The following FUBP3 variants were observed in gnomAD, a reference collection of about 807,000 sequenced individuals.
The protein encoded by FUBP3 is far upstream element-binding protein 3.
A neutral mutation model predicts 85.6 loss-of-function variants in FUBP3; 28 were observed. That is an observed-to-expected ratio of 0.33 (90% CI 0.24 to 0.45). The LOEUF (loss-of-function observed/expected upper bound fraction) is 0.45, where lower values mean the gene tolerates loss of function less well. FUBP3 is among the 20% of genes least tolerant of loss of function. The pLI is 1.00. For missense variants in FUBP3, 583 were observed against 755.1 expected (o/e 0.77, Z 2.67); for synonymous variants, 271 against 271.4 (o/e 1.00, Z 0.01).
rs1183890477 is a variant in FUBP3 at position 130,579,594 on chromosome 9, C to T, written c.-87C>T. The T allele has an allele frequency of 3.6e-6, 3 of 823,144 alleles. No individual in the cohort carries two copies. Among genetic ancestry groups the T allele is most frequent in the East Asian group, 3.5e-5 (1 of 28,526 alleles). 51.0% of individuals were successfully genotyped at this position (823,144 alleles called of 1,614,324 possible). ...CGACTTTCCTTTTCCGGCTACGGGT[C>T]CCCAAGCGGAGCGGGAGGCCGGACC... On this transcript the variant is annotated 5_prime_UTR_variant, in exon 1 of 19. Transcript: ENST00000319725.
intron 16 of FUBP3, 176 bp from the exon 17 acceptor site, chr9:130,634,491 G>T: frequency 1.7e-6 from 1 of 597,028 alleles, no homozygotes; most frequent in South Asian, 2.0e-5. Flanking sequence ...AGTGATCTTA[G>T]TTACACCCCT....
rs780689994 is a variant in FUBP3, at chr9:130,636,247, T to C, written c.1710+121T>C. On this transcript the variant is annotated intron_variant, in intron 18 of 18. Coordinates refer to ENST00000319725, the MANE Select transcript of FUBP3 (RefSeq NM_003934.2). The stretch of plus-strand genomic sequence containing the variant: ...GGCTAGGAGGAACCTCTGGGCGCCA[T>C]AGCTCCTCAGCGAGGCTGCTTCTGC... 9.9e-6 allele frequency: 10 copies of C among 1,005,990 alleles called. No individual in the cohort carries two copies. In the South Asian group the frequency reaches 1.2e-4, roughly 12 times the overall value. 62.3% of individuals were successfully genotyped at this position (1,005,990 alleles called of 1,614,324 possible). A position where few individuals can be genotyped will look rare whatever the true frequency, so the allele number is the denominator to read the frequency against.
At chr9:130,622,164 A>T (rs986890673) in intron 9 of FUBP3, among the ~76,000 whole-genome samples, 59 of 151,570 alleles carry the variant, frequency 3.9e-4, no homozygotes, top group African/African-American at 1.4e-3. Flanking sequence ...CTCTACTAAA[A>T]AATACAAAAA....
intron 6 of FUBP3, among the ~76,000 whole-genome samples, chr9:130,615,886 T>C (rs956049443): frequency 6.6e-6 from 1 of 152,250 alleles, no homozygotes; most frequent in Non-Finnish European, 1.5e-5. Context: ...CAGTGAGTAC[T>C]AATCCTTGCT....
intron 13 of FUBP3, 37 bp downstream of exon 13, chr9:130,630,825 T>C (rs370588960): frequency 2.3e-5 from 33 of 1,405,790 alleles, no homozygotes; most frequent in Middle Eastern, 3.8e-4. Flanking sequence ...GGTTTACTCA[T>C]AGCTGTTTTC....
chr9:130,619,194 G>A (rs1201970835), intron 8 of FUBP3, among the ~76,000 whole-genome samples: 1 of 151,972 alleles, frequency 6.6e-6, no homozygotes, highest in Non-Finnish European at 1.5e-5. Flanking sequence ...TCTTTTGTAG[G>A]GAAAAACCCC....
At chr9:130,584,031 C>G (rs184211271) in intron 1 of FUBP3, among the ~76,000 whole-genome samples, 54 of 152,242 alleles carry the variant, frequency 3.5e-4, no homozygotes, top group Admixed American at 9.2e-4. Context: ...ACCGTGCCCC[C>G]ATGCCTGGCT....
At position 130,631,891 on chromosome 9, in the gene FUBP3, A is replaced by T. The variant is rs1199841858; in HGVS notation, c.1353-51A>T. ...GCCCTGGGGCTGCGGGGAGGGGACG[A>T]GCCCTCTGTTGTGAGGCGCTCAGTC... is the stretch of plus-strand genomic sequence containing the variant. On this transcript the variant is annotated intron_variant, in intron 14 of 18. Transcript: ENST00000319725. 2.2e-6 allele frequency: 3 copies of T among 1,353,450 alleles called. No individual in the cohort carries two copies. In the Admixed American group the frequency reaches 5.1e-5, roughly 23 times the overall value. 83.8% of individuals were successfully genotyped at this position (1,353,450 alleles called of 1,614,324 possible).
chr9:130,621,375 C>T (rs181521630), intron 9 of FUBP3, among the ~76,000 whole-genome samples: 8 of 152,140 alleles, frequency 5.3e-5, no homozygotes, highest in South Asian at 2.1e-4. Context: ...TTCCTATAGT[C>T]CCAGCTGTTC....
At chr9:130,631,848 C>T in intron 14 of FUBP3, 94 bp from the exon 15 acceptor site, 1 of 970,292 alleles carries the variant, frequency 1.0e-6, no homozygotes. Flanking sequence ...GGTCTTCTGT[C>T]CCGACTGCCC....
intron 7 of FUBP3, among the ~76,000 whole-genome samples, chr9:130,617,201 A>G (rs1338952033): frequency 1.3e-5 from 2 of 152,228 alleles, no homozygotes; most frequent in Non-Finnish European, 1.5e-5. Context: ...ATACACTGAC[A>G]TGAGTTCAGT....
rs371552421 is a variant in FUBP3 at position 130,609,909 on chromosome 9, C to T, written c.191-45C>T. 1.4e-5 allele frequency: 20 copies of T among 1,476,286 alleles called. 1 individual carries two copies. Among genetic ancestry groups the T allele is most frequent in the Admixed American group, 6.7e-5 (4 of 59,506 alleles). The allele number at this position is 1,476,286 out of a possible 1,614,324, so 91.4% of individuals were successfully genotyped here. On this transcript the variant is annotated intron_variant, in intron 2 of 18. Coordinates refer to ENST00000319725, the MANE Select transcript of FUBP3 (RefSeq NM_003934.2). ...ATGGTAAGGATGAAGTTAGTTTATC[C>T]GTGCTAATGCTTTGATTTTTTTTTT...
chr9:130,617,946 C>T lies in FUBP3; in HGVS notation c.666+51C>T, dbSNP rs374506987. On this transcript the variant is annotated intron_variant, in intron 8 of 18. Transcript: ENST00000319725. Reference sequence around the variant, plus strand: ...AGTCCTGGCTGTTGGGGCTATCACTCGGTGGTACCCTAGAGCTTTTATCTT... The same window carrying T: ...AGTCCTGGCTGTTGGGGCTATCACTTGGTGGTACCCTAGAGCTTTTATCTT... 1.5e-5 allele frequency: 12 copies of T among 811,956 alleles called. No homozygotes were observed. The East Asian group carries it at 2.3e-4, about 15-fold the overall frequency. The allele number at this position is 811,956 out of a possible 1,614,324, so 50.3% of individuals were successfully genotyped here.
chr9:130,595,393 A>T, intron 1 of FUBP3, 90 bp from the exon 2 acceptor site: 1 of 765,652 alleles, frequency 1.3e-6, no homozygotes, highest in Non-Finnish European at 2.4e-6. Flanking sequence ...GAGAAATGGG[A>T]TAATAGCCCT....
chr9:130,582,490 CTCAT>C (rs920107451), intron 1 of FUBP3, among the ~76,000 whole-genome samples: 1 of 151,946 alleles, frequency 6.6e-6, no homozygotes, highest in Non-Finnish European at 1.5e-5. Context: ...GAAATGTGAT[CTCAT>C]TCAGTTCCAT....
At chr9:130,588,200 A>G (rs780155873) in intron 1 of FUBP3, among the ~76,000 whole-genome samples, 3 of 152,218 alleles carry the variant, frequency 2.0e-5, no homozygotes, top group Non-Finnish European at 2.9e-5. Context: ...TGAGCTTCAG[A>G]CAGTATGAGT....
rs759258767 is a variant in FUBP3 at position 130,631,964 on chromosome 9, G to C, written c.1375G>C (p.Gly459Arg). The change falls in exon 15 of 19, where the codon GGG (glycine) becomes CGG (arginine). Residue 459 changes from glycine (G) to arginine (R), a missense_variant. Gly to Arg is a moderately radical substitution (Grantham distance 125, BLOSUM62 -2). Coordinates refer to ENST00000319725, the MANE Select transcript of FUBP3 (RefSeq NM_003934.2). The stretch of plus-strand genomic sequence containing the variant: ...CAGTACCTTTCCTCCAAGGAGCTCC[G>C]GGTGCTTCCCAAACATGGCTGCCAA... ...HQNTFPPRSS[G>R]CFPNMAAKVN... 5.6e-6 allele frequency: 9 copies of C among 1,613,184 alleles called. No individual in the cohort carries two copies. In the Admixed American group the frequency reaches 8.3e-5, roughly 15 times the overall value.
intron 2 of FUBP3, among the ~76,000 whole-genome samples, chr9:130,606,836 C>T (rs1289226506): frequency 6.6e-6 from 1 of 151,504 alleles, no homozygotes; most frequent in African/African-American, 2.4e-5. Context: ...AAAAAAAAAG[C>T]TGATGTGTAT....
chr9:130,595,518 T>G lies in FUBP3; in HGVS notation c.120T>G (p.Asn40Lys). 1.3e-6 allele frequency: 2 copies of G among 1,591,694 alleles called. No homozygotes were observed. The highest frequency in any genetic ancestry group is 1.7e-6 in the Non-Finnish European group (2 of 1,159,566). ...AAATTGATTCAATTCCTCACTTGAA[T>G]AATTCCACACCTCTAGTGGACCCCT... ...AAKIDSIPHL[N>K]NSTPLVDPSV... Residue 40 changes from asparagine to lysine, a missense_variant, in exon 2 of 19, where the codon AAT (asparagine) becomes AAG (lysine). Asn to Lys is a moderately conservative substitution (Grantham distance 94, BLOSUM62 0). Around this residue, in one of 3 missense-constraint regions of FUBP3, gnomAD observed 177 missense variants for 221.9 expected, o/e 0.80. Transcript: ENST00000319725.
Sources: allele counts gnomAD v4.1 joint callset (sites outside exome capture counted in the v4.1 genomes callset), GRCh38; gene constraint gnomAD v4.1.1; regional missense constraint gnomAD v4.1.1; transcripts MANE v1.5; gene names NCBI Gene and HGNC (gene_info 2026-07-23, HGNC 2026-07-21).